Variants in EIF4E observed in about 807,000 individuals in gnomAD.
EIF4E encodes the protein eIF-4F 25 kDa subunit.
For synonymous variants in EIF4E, 71 were observed against 88.5 expected, an observed-to-expected ratio of 0.80 and a Z score of 1.11; for missense variants, 113 against 265.6, an observed-to-expected ratio of 0.43 and a Z score of 3.99.
intron 2 of EIF4E, 59 bp from the exon 3 acceptor site, chr4:98,891,391 AT>A (rs1240845771): frequency 2.0e-6 from 3 of 1,494,680 alleles, no homozygotes; most frequent in Non-Finnish European, 2.8e-6. Flanking sequence ...TAAAAGCAAC[AT>A]TATTCACAAA....
In EIF4E at chr4:98,883,605, G is replaced by A. The variant is rs193056544; in HGVS notation, c.539+1317C>T. Among the ~76,000 whole-genome samples the A allele has an allele frequency of 6.4e-3, 964 of 151,548 alleles. 11 individuals are homozygous for A. The highest frequency in any genetic ancestry group is 0.022 in the African/African-American group (902 of 41,316). On this transcript the variant is annotated intron_variant, in intron 6 of 6. Coordinates refer to ENST00000450253, the MANE Select transcript of EIF4E (RefSeq NM_001968.5). ...TTTTTAGTAGAGACGGGGTTTCACC[G>A]TGTTGGCCAGGATGGTCTCAATCTC...
chr4:98,903,345 T>C (rs1724727563), intron 1 of EIF4E: 3 of 420,724 alleles, frequency 7.1e-6, no homozygotes, highest in East Asian at 1.4e-4. Context: ...TAAATATTTA[T>C]TTGAAAGAAT....
chr4:98,922,321 G>A (rs977397616), intron 1 of EIF4E, among the ~76,000 whole-genome samples: 46 of 152,264 alleles, frequency 3.0e-4, no homozygotes, highest in African/African-American at 1.0e-3. Context: ...ACTTTGGGAG[G>A]CTGAGGTGGG....
intron 6 of EIF4E, among the ~76,000 whole-genome samples, chr4:98,883,545 C>A (rs1723791398): frequency 6.6e-6 from 1 of 151,606 alleles, no homozygotes; most frequent in Admixed American, 6.6e-5. Flanking sequence ...ACTACAGGCG[C>A]CCGCCACCAC....
Position 98,880,103 on chromosome 4 carries a change from C to T in EIF4E, c.*925G>A, listed in dbSNP as rs188393211. On this transcript the variant is annotated 3_prime_UTR_variant, in exon 7 of 7. Transcript: ENST00000450253. ...TACACATTTTATTTACAGTTTTGTA[C>T]ACTGTCTTAATATGAATGGGACTGC... 1.7e-3 allele frequency: 262 copies of T among 152,606 alleles called. No homozygotes were observed. The highest frequency in any genetic ancestry group is 2.9e-3 in the Non-Finnish European group (194 of 67,972). 9.5% of individuals were successfully genotyped at this position (152,606 alleles called of 1,614,324 possible). A position where few individuals can be genotyped will look rare whatever the true frequency, so the allele number is the denominator to read the frequency against.
intron 1 of EIF4E, chr4:98,926,436 G>T (rs1725870992): frequency 6.6e-6 from 1 of 151,952 alleles, no homozygotes; most frequent in African/African-American, 2.4e-5. Flanking sequence ...CAGCTACTCG[G>T]AAGGCTGAGG....
At chr4:98,923,607 A>G (rs535993273) in intron 1 of EIF4E, among the ~76,000 whole-genome samples, 1 of 152,280 alleles carries the variant, frequency 6.6e-6, no homozygotes, top group Admixed American at 6.5e-5. Context: ...CACCAAGCCC[A>G]GCCCCTTTCT....
chr4:98,901,051 T>C (rs1469965646), intron 2 of EIF4E, among the ~76,000 whole-genome samples: 1 of 152,224 alleles, frequency 6.6e-6, no homozygotes, highest in Non-Finnish European at 1.5e-5. Context: ...TAAAAAACTT[T>C]TTCCCAAGTC....
At chr4:98,922,089 C>T (rs1361903475) in intron 1 of EIF4E, among the ~76,000 whole-genome samples, 1 of 152,202 alleles carries the variant, frequency 6.6e-6, no homozygotes, top group Non-Finnish European at 1.5e-5. Context: ...CACATCTCCC[C>T]TTCTGAAGTC....
chr4:98,887,995 T>A lies in EIF4E; in HGVS notation c.222-43A>T. ...ACAATTAAAAACACAGAATATGTAATATAGAGTTTAGGTGCTTACATATAT... is the reference window on the plus strand; with the variant it reads ...ACAATTAAAAACACAGAATATGTAAAATAGAGTTTAGGTGCTTACATATAT... On this transcript the variant is annotated intron_variant, in intron 3 of 6. Transcript: ENST00000450253. The surrounding 1 kb of genome is among the most constrained non-coding windows in gnomAD (Gnocchi z 4.0). 1 of 1,518,030 alleles carries A rather than the reference T, an allele frequency of 6.6e-7. No individual in the cohort carries two copies. The highest frequency in any genetic ancestry group is 9.1e-7 in the Non-Finnish European group (1 of 1,099,266). 94.0% of individuals were successfully genotyped at this position (1,518,030 alleles called of 1,614,324 possible).
intron 2 of EIF4E, among the ~76,000 whole-genome samples, chr4:98,898,216 T>C (rs960224826): frequency 6.6e-6 from 1 of 152,210 alleles, no homozygotes; most frequent in African/African-American, 2.4e-5. Context: ...ACCAAATACC[T>C]GTGTGAGGCT....
At chr4:98,896,667 C>CAAAAAA (rs61329973) in intron 2 of EIF4E, among the ~76,000 whole-genome samples, 2 of 47,680 alleles carry the variant, frequency 4.2e-5, no homozygotes, top group East Asian at 1.6e-3. Flanking sequence ...ATGTCTCTTC[C>CAAAAAA]AAAAAAAAAA....
At chr4:98,886,638 C>A (rs1211209095) in intron 5 of EIF4E, 2 of 346,340 alleles carry the variant, frequency 5.8e-6, no homozygotes, top group Admixed American at 3.8e-5. Context: ...TCACTTGAAC[C>A]CAGAGGGTGA....
intron 1 of EIF4E, among the ~76,000 whole-genome samples, chr4:98,905,682 C>A (rs1240430060): frequency 6.6e-6 from 1 of 152,066 alleles, no homozygotes; most frequent in Non-Finnish European, 1.5e-5. Flanking sequence ...AGTATTAAAC[C>A]TGGTTTAAGA....
intron 1 of EIF4E, among the ~76,000 whole-genome samples, chr4:98,924,589 TTC>T (rs545204553): frequency 7.6e-4 from 110 of 144,582 alleles, no homozygotes; most frequent in Non-Finnish European, 7.8e-4. Flanking sequence ...TGAAATTTGT[TTC>T]TGTTTTTTTT....
chr4:98,880,007 A>T lies in EIF4E; in HGVS notation c.*1021T>A, dbSNP rs1723612236. On this transcript the variant is annotated 3_prime_UTR_variant, in exon 7 of 7. Coordinates refer to ENST00000450253, the MANE Select transcript of EIF4E (RefSeq NM_001968.5). ...AATATAGAGACTGCCTTGCAATAAG[A>T]AGTACAAATTCCTTCTATAAAGATG... is the stretch of plus-strand genomic sequence containing the variant. 1 of 152,578 alleles carries T rather than the reference A, an allele frequency of 6.6e-6. No homozygotes were observed. Among genetic ancestry groups the T allele is most frequent in the Non-Finnish European group, 1.5e-5 (1 of 68,006 alleles). 9.5% of individuals were successfully genotyped at this position (152,578 alleles called of 1,614,324 possible). A position where few individuals can be genotyped will look rare whatever the true frequency, so the allele number is the denominator to read the frequency against.
chr4:98,883,682 T>C (rs757209380), intron 6 of EIF4E, among the ~76,000 whole-genome samples: 2 of 151,780 alleles, frequency 1.3e-5, no homozygotes, highest in Non-Finnish European at 1.5e-5. Flanking sequence ...CGATTACAGG[T>C]GTGAGCCACT....
intron 2 of EIF4E, among the ~76,000 whole-genome samples, chr4:98,898,725 A>G (rs1168328887): frequency 3.9e-5 from 6 of 152,150 alleles, no homozygotes; most frequent in Non-Finnish European, 7.4e-5. Flanking sequence ...TTTCAGGTGA[A>G]ATTATACATT....
intron 1 of EIF4E, among the ~76,000 whole-genome samples, chr4:98,907,340 A>G (rs1237106444): frequency 6.6e-6 from 1 of 152,180 alleles, no homozygotes; most frequent in Non-Finnish European, 1.5e-5. Flanking sequence ...TGAAGGCATC[A>G]TATCTTTGGC....
Sources: gnomAD v4.1 joint callset for allele counts (sites outside exome capture counted in the v4.1 genomes callset) on GRCh38, gnomAD v4.1.1 for gene constraint, Gnocchi (gnomAD v3.1) non-coding constraint, MANE v1.5 for transcripts, NCBI Gene and HGNC (gene_info 2026-07-23, HGNC 2026-07-21) for gene names.